The following CCDC146 variants were observed in gnomAD, a reference collection of about 807,000 sequenced individuals.
CCDC146 encodes coiled-coil domain containing 146.
A neutral mutation model predicts 119.3 loss-of-function variants in CCDC146; 92 were observed. That is an observed-to-expected ratio of 0.77 (90% confidence interval 0.65 to 0.92). CCDC146 has a LOEUF of 0.92. Ranked by LOEUF, CCDC146 falls within the 40% of genes least tolerant of loss-of-function variation. The pLI, the probability that CCDC146 is intolerant of heterozygous loss-of-function variation, is 0.00. For synonymous variants in CCDC146, 372 were observed against 371.8 expected (o/e 1.00, Z -0.01); for missense variants, 1,000 against 1,103.0 (o/e 0.91, Z 1.32).
At chr7:77,293,265 A>T (rs59657581) in intron 18 of CCDC146, 65 bp downstream of exon 18, 475,122 of 1,562,332 alleles carry the variant, frequency 0.3, 76,821 homozygotes, top group African/African-American at 0.56. Context: ...CAGGCAACCC[A>T]CAGTTATCCC....
At chr7:77,237,120 G>T (rs753468326) in intron 3 of CCDC146, 91 bp downstream of exon 3, 13 of 1,038,918 alleles carry the variant, frequency 1.3e-5, no homozygotes, top group African/African-American at 1.6e-5. Context: ...TCCCCCATAA[G>T]CAGACCCTGA....
At chr7:77,282,863 C>A in intron 15 of CCDC146, 78 bp downstream of exon 15, 1 of 935,788 alleles carries the variant, frequency 1.1e-6, no homozygotes, top group Non-Finnish European at 1.7e-6. Context: ...TGAGTTCTTG[C>A]ATGTAAACCA....
chr7:77,241,641 G>A lies in CCDC146; in HGVS notation c.240-50G>A, dbSNP rs142640579. ...TCACTAGACCCCCACAGGAGCCACC[G>A]AGGATGTACATGTCTCATTATGTGA... On this transcript the variant is annotated intron_variant, in intron 3 of 18. Coordinates refer to ENST00000285871, the MANE Select transcript of CCDC146 (RefSeq NM_020879.3). 385 of 1,539,764 alleles carry A rather than the reference G, an allele frequency of 2.5e-4. 6 individuals carry two copies. In the East Asian group the frequency reaches 6.4e-3, roughly 25 times the overall value.
At chr7:77,274,712 T>C (rs1793597314) in intron 11 of CCDC146, 60 bp downstream of exon 11, 1 of 1,317,388 alleles carries the variant, frequency 7.6e-7, no homozygotes, top group African/African-American at 1.5e-5. Context: ...AGCCTCATTA[T>C]AATGCCACGT....
chr7:77,279,204 C>G, intron 13 of CCDC146, 103 bp downstream of exon 13: 8 of 1,202,174 alleles, frequency 6.7e-6, no homozygotes, highest in Non-Finnish European at 9.4e-6. Context: ...GCAGAGGCTG[C>G]AATGAGCCAA....
At chr7:77,241,445 G>A (rs1396770414) in intron 3 of CCDC146, among the ~76,000 whole-genome samples, 1 of 118,924 alleles carries the variant, frequency 8.4e-6, no homozygotes, top group East Asian at 2.2e-4. Context: ...AGAGTTAGGT[G>A]TTTTGGAGGA....
Position 77,271,521 on chromosome 7 carries a change from T to G in CCDC146, c.1174-2173T>G, listed in dbSNP as rs11972254. 2.5e-3 allele frequency among the ~76,000 whole-genome samples: 47 copies of G among 18,712 alleles called. 2 individuals are homozygous for G. Among genetic ancestry groups the G allele is most frequent in the South Asian group, 7.9e-3 (6 of 760 alleles). The allele number at this position is 18,712 out of a possible 152,430, so 12.3% of individuals were successfully genotyped here. On this transcript the variant is annotated intron_variant, in intron 9 of 18. Coordinates refer to ENST00000285871, the MANE Select transcript of CCDC146 (RefSeq NM_020879.3). ...CACACACACTAATAGGAGATATATA[T>G]ATATATATATATATATATATATATA...
chr7:77,225,819 T>C (rs1431145161), intron 2 of CCDC146, among the ~76,000 whole-genome samples: 1 of 152,098 alleles, frequency 6.6e-6, no homozygotes, highest in Non-Finnish European at 1.5e-5. Context: ...GGCGGGCACC[T>C]GTAATCCCAG....
chr7:77,224,855 G>A (rs1792474833), intron 2 of CCDC146, among the ~76,000 whole-genome samples: 1 of 152,176 alleles, frequency 6.6e-6, no homozygotes, highest in South Asian at 2.1e-4. Context: ...AAGTAAGGAA[G>A]TCCTCAGTCA....
rs372683734 is a variant in CCDC146 at position 77,248,734 on chromosome 7, G to A, written c.450-5772G>A. ...AAAATACGGTTATTGGAAGAAACAC[G>A]CAATTATATCGAACTCATTTTGTTT... On this transcript the variant is annotated intron_variant, in intron 4 of 18. Coordinates refer to ENST00000285871, the MANE Select transcript of CCDC146 (RefSeq NM_020879.3). Among the ~76,000 whole-genome samples the A allele has an allele frequency of 1.1e-3, 162 of 152,300 alleles. 4 individuals are homozygous for A. In the South Asian group the frequency reaches 0.033, roughly 31 times the overall value.
chr7:77,133,491 A>G (rs986998512), intron 1 of CCDC146, among the ~76,000 whole-genome samples: 8 of 151,972 alleles, frequency 5.3e-5, no homozygotes, highest in Non-Finnish European at 1.0e-4. Context: ...AGCTGGGACT[A>G]CAGGTGAGCA....
At chr7:77,201,957 A>G (rs937361593) in intron 2 of CCDC146, among the ~76,000 whole-genome samples, 3 of 152,208 alleles carry the variant, frequency 2.0e-5, no homozygotes, top group African/African-American at 7.2e-5. Flanking sequence ...TATAGGAATG[A>G]TATTTAGTTC....
intron 2 of CCDC146, among the ~76,000 whole-genome samples, chr7:77,169,411 A>T (rs1791384227): frequency 6.6e-6 from 1 of 152,248 alleles, no homozygotes; most frequent in South Asian, 2.1e-4. Flanking sequence ...ATACTCTGAG[A>T]CTATGTGGTT....
At chr7:77,228,698 T>C (rs559286508) in intron 2 of CCDC146, among the ~76,000 whole-genome samples, 7 of 152,372 alleles carry the variant, frequency 4.6e-5, no homozygotes, top group East Asian at 1.9e-4. Flanking sequence ...CTGGATCAAA[T>C]GGTATTTCTG....
chr7:77,186,475 G>A (rs2150420276), intron 2 of CCDC146, among the ~76,000 whole-genome samples: 1 of 152,176 alleles, frequency 6.6e-6, no homozygotes, highest in Admixed American at 6.6e-5. Context: ...GTAGAAGGAT[G>A]GTTACAAGAG....
At chr7:77,206,979 A>G (rs1792093724) in intron 2 of CCDC146, among the ~76,000 whole-genome samples, 2 of 152,086 alleles carry the variant, frequency 1.3e-5, no homozygotes, top group Non-Finnish European at 2.9e-5. Flanking sequence ...TGGCCATTGC[A>G]TTCTTTGAAA....
intron 1 of CCDC146, among the ~76,000 whole-genome samples, chr7:77,143,241 C>T (rs545735976): frequency 1.1e-4 from 16 of 151,536 alleles, no homozygotes; most frequent in East Asian, 7.7e-4. Context: ...TCATATCCTT[C>T]GCCCACTTGT....
At position 77,196,740 on chromosome 7, in the gene CCDC146, C is replaced by T. The variant is rs763617359; in HGVS notation, c.156+28916C>T. On this transcript the variant is annotated intron_variant, in intron 2 of 18. Coordinates refer to ENST00000285871, the MANE Select transcript of CCDC146 (RefSeq NM_020879.3). This position sits in a 1 kb window ranked among gnomAD's most constrained non-coding sequence, Gnocchi z 4.2. Reference sequence around the variant, plus strand: ...CTCTTGGTCAGAAGATGAATTTTATCGTTCCCCAGCCAAAATTCCCTTCTG... The same window carrying T: ...CTCTTGGTCAGAAGATGAATTTTATTGTTCCCCAGCCAAAATTCCCTTCTG... The T allele has an allele frequency of 6.2e-6, 10 of 1,614,010 alleles. No homozygotes were observed. The highest frequency in any genetic ancestry group is 1.6e-4 in the Middle Eastern group (1 of 6,084).
chr7:77,194,794 A>T (rs1417769857), intron 2 of CCDC146: 1 of 152,160 alleles, frequency 6.6e-6, no homozygotes, highest in Non-Finnish European at 1.5e-5. Context: ...AAATACGCAG[A>T]ATACTGCTGT....
Sources: allele counts gnomAD v4.1 joint callset (sites outside exome capture counted in the v4.1 genomes callset), GRCh38; gene constraint gnomAD v4.1.1; non-coding constraint Gnocchi (gnomAD v3.1); transcripts MANE v1.5; gene names NCBI Gene and HGNC (gene_info 2026-07-23, HGNC 2026-07-21).